The following SLC35F6 variants were observed in gnomAD, a reference collection of about 807,000 sequenced individuals.
The protein encoded by SLC35F6 is solute carrier family 35 member F6.
Under a neutral mutation model 29.4 loss-of-function variants are expected in SLC35F6, and 26 were observed. The observed-to-expected ratio is 0.89, with a 90% confidence interval of 0.65 to 1.23. SLC35F6 has a LOEUF of 1.23. Ranked by LOEUF, SLC35F6 falls within the 50% of genes most tolerant of loss-of-function variation. SLC35F6 has a pLI of 0.00. For synonymous variants in SLC35F6, 174 were observed against 206.6 expected (o/e 0.84, Z 1.35); for missense variants, 428 against 487.8 (o/e 0.88, Z 1.15).
intron 1 of SLC35F6, among the ~76,000 whole-genome samples, chr2:26,765,668 G>C (rs1038833390): frequency 6.6e-6 from 1 of 152,214 alleles, no homozygotes; most frequent in African/African-American, 2.4e-5. Flanking sequence ...TTCCCCAAAC[G>C]GTGGGCACAG....
intron 1 of SLC35F6, 27 bp from the exon 2 acceptor site, chr2:26,774,224 G>A (rs1370258284): frequency 7.4e-6 from 12 of 1,613,534 alleles, no homozygotes; most frequent in Middle Eastern, 1.6e-4. Context: ...TGCTGACAGG[G>A]TCTGACCTTC....
chr2:26,777,963 TC>T, intron 5 of SLC35F6, 78 bp from the exon 6 acceptor site: 1 of 1,372,374 alleles, frequency 7.3e-7, no homozygotes, highest in Non-Finnish European at 1.0e-6. Flanking sequence ...TGACCCGAGA[TC>T]AGAGGAGGCT....
chr2:26,774,501 A>G (rs767792109), intron 2 of SLC35F6, among the ~76,000 whole-genome samples, 178 bp downstream of exon 2: 19 of 152,212 alleles, frequency 1.2e-4, no homozygotes, highest in Non-Finnish European at 2.4e-4. Context: ...GAATAGGGCA[A>G]AGAGCACCAT....
At chr2:26,777,728 G>T (rs1664326857) in intron 5 of SLC35F6, among the ~76,000 whole-genome samples, 1 of 141,026 alleles carries the variant, frequency 7.1e-6, no homozygotes, top group Non-Finnish European at 1.5e-5. Flanking sequence ...ATACTGTAAG[G>T]GTAATGTTTT....
chr2:26,765,048 C>T, intron 1 of SLC35F6: 1 of 974,940 alleles, frequency 1.0e-6, no homozygotes, highest in African/African-American at 1.8e-5. Context: ...TGGGGAATGA[C>T]ATGTTGAAAG....
chr2:26,777,069 C>T (rs1379724743), intron 5 of SLC35F6, among the ~76,000 whole-genome samples: 1 of 152,200 alleles, frequency 6.6e-6, no homozygotes, highest in Non-Finnish European at 1.5e-5. Flanking sequence ...CGTGGTGGCG[C>T]ATGCCTGTAG....
intron 1 of SLC35F6, among the ~76,000 whole-genome samples, chr2:26,770,504 G>A (rs1429376330): frequency 6.6e-6 from 1 of 152,068 alleles, no homozygotes; most frequent in Non-Finnish European, 1.5e-5. Flanking sequence ...GATCACTTGA[G>A]GTCAGGAGTT....
chr2:26,774,281 TGGAG>T lies in SLC35F6; in HGVS notation c.113_116del (p.Gly38AlafsTer42). 1 of 1,614,160 alleles carries T rather than the reference TGGAG, an allele frequency of 6.2e-7. No homozygotes were observed. Among genetic ancestry groups the T allele is most frequent in the Non-Finnish European group, 8.5e-7 (1 of 1,180,022 alleles). On this transcript the variant is annotated frameshift_variant, in exon 2 of 6. Transcript: ENST00000344420. LOFTEE classifies it high-confidence loss of function. ...CGGACAATTTCATGGCCGAGGGCTGTGGAGGGAGCAAGGAGCACAGCTTCCAGCA... is the reference window on the plus strand; with the variant it reads ...CGGACAATTTCATGGCCGAGGGCTGTGGAGCAAGGAGCACAGCTTCCAGCA...
chr2:26,774,550 A>T (rs1296913784), intron 2 of SLC35F6, among the ~76,000 whole-genome samples: 1 of 152,208 alleles, frequency 6.6e-6, no homozygotes. Context: ...TGTCCTCACC[A>T]CATCCAAGTC....
In SLC35F6 at chr2:26,775,702, GCTGCCCTATC is replaced by G; in HGVS notation, c.535+34_535+43del. The G allele has an allele frequency of 6.5e-7, 1 of 1,537,900 alleles. No individual in the cohort carries two copies. The highest frequency in any genetic ancestry group is 8.7e-7 in the Non-Finnish European group (1 of 1,145,248). On this transcript the variant is annotated intron_variant, in intron 4 of 5. Transcript: ENST00000344420. The surrounding 1 kb of genome is among the most constrained non-coding windows in gnomAD (Gnocchi z 4.6). ...GTGCGGCCAGGGGCAGGGACACGGG[GCTGCCCTATC>G]CTGCCCTGTCCTCCTTGGGAGCCCA...
At position 26,775,458 on chromosome 2, in the gene SLC35F6, T is replaced by C. The variant is rs745409195; in HGVS notation, c.323-6T>C. 2 of 1,611,168 alleles carry C rather than the reference T, an allele frequency of 1.2e-6. No homozygotes were observed. The highest frequency in any genetic ancestry group is 1.7e-6 in the Non-Finnish European group (2 of 1,179,010). On this transcript the variant is annotated splice_region_variant and splice_polypyrimidine_tract_variant and intron_variant, in intron 3 of 5. Transcript: ENST00000344420. The surrounding 1 kb of genome is among the most constrained non-coding windows in gnomAD (Gnocchi z 4.6). ...AGCTAACTGTAATTTGTTTCTCCTTTCCTAGCTCTGAACATGACCAGTGCC... is the reference window on the plus strand; with the variant it reads ...AGCTAACTGTAATTTGTTTCTCCTTCCCTAGCTCTGAACATGACCAGTGCC...
chr2:26,765,227 G>T (rs547023893), intron 1 of SLC35F6, among the ~76,000 whole-genome samples: 2 of 152,354 alleles, frequency 1.3e-5, no homozygotes, highest in African/African-American at 4.8e-5. Context: ...ACCCACATGA[G>T]CAAGAAACAA....
intron 4 of SLC35F6, 71 bp from the exon 5 acceptor site, chr2:26,776,301 T>C (rs1664299243): frequency 7.0e-7 from 1 of 1,422,624 alleles, no homozygotes; most frequent in African/African-American, 1.4e-5. Flanking sequence ...GTTTGGTCGC[T>C]GTGGCCATGC....
At position 26,781,169 on chromosome 2, in the gene SLC35F6, T is replaced by C. The variant is rs1572637034; in HGVS notation, c.*2658T>C. 1 of 152,172 alleles carries C rather than the reference T, an allele frequency of 6.6e-6. No homozygotes were observed. The highest frequency in any genetic ancestry group is 2.4e-5 in the African/African-American group (1 of 41,438). 9.4% of individuals were successfully genotyped at this position (152,172 alleles called of 1,614,324 possible). ...GCAATTGTATTAATCCATTCTCGAA[T>C]TGCTGTAAAGAAATACCTGAGACTG... On this transcript the variant is annotated 3_prime_UTR_variant, in exon 6 of 6. Transcript: ENST00000344420.
intron 1 of SLC35F6, chr2:26,764,791 G>A (rs1181307089): frequency 2.0e-6 from 2 of 985,250 alleles, no homozygotes; most frequent in Non-Finnish European, 2.4e-6. Context: ...ATGAGCCGCA[G>A]TAGTGGCTGT....
At chr2:26,776,311 C>A (rs919225391) in intron 4 of SLC35F6, 61 bp from the exon 5 acceptor site, 1 of 1,504,732 alleles carries the variant, frequency 6.6e-7, no homozygotes, top group Non-Finnish European at 9.2e-7. Flanking sequence ...TGTGGCCATG[C>A]TCTCCTGGCC....
intron 5 of SLC35F6, among the ~76,000 whole-genome samples, chr2:26,777,533 C>A (rs1370469418): frequency 6.6e-6 from 1 of 152,192 alleles, no homozygotes; most frequent in Admixed American, 6.6e-5. Flanking sequence ...TTTCTGTTTT[C>A]TAGCAAGACC....
Position 26,775,421 on chromosome 2 carries a change from T to C in SLC35F6, c.323-43T>C, listed in dbSNP as rs1377792806. ...AAAGACCCCTTAGTGACAGATGGCC[T>C]TCGCCTTGGGAAGCTAACTGTAATT... On this transcript the variant is annotated intron_variant, in intron 3 of 5. Transcript: ENST00000344420. This position sits in a 1 kb window ranked among gnomAD's most constrained non-coding sequence, Gnocchi z 4.6. The C allele has an allele frequency of 8.1e-6, 13 of 1,598,060 alleles. No homozygotes were observed. In the East Asian group the frequency reaches 2.9e-4, roughly 36 times the overall value.
chr2:26,778,587 C>A lies in SLC35F6; in HGVS notation c.*76C>A. ...TGAGGCCACACAGGCTGGTGGGCCC[C>A]GAATGCCCTATCCCCAAGGCCTCAC... On this transcript the variant is annotated 3_prime_UTR_variant, in exon 6 of 6. Coordinates refer to ENST00000344420, the MANE Select transcript of SLC35F6 (RefSeq NM_017877.4). The A allele has an allele frequency of 1.4e-6, 2 of 1,387,758 alleles. No homozygotes were observed. Among genetic ancestry groups the A allele is most frequent in the East Asian group, 2.5e-5 (1 of 40,350 alleles). 86.0% of individuals were successfully genotyped at this position (1,387,758 alleles called of 1,614,324 possible).
Sources: gnomAD v4.1 joint callset for allele counts (sites outside exome capture counted in the v4.1 genomes callset) on GRCh38, gnomAD v4.1.1 for gene constraint, Gnocchi (gnomAD v3.1) non-coding constraint, MANE v1.5 for transcripts, NCBI Gene and HGNC (gene_info 2026-07-23, HGNC 2026-07-21) for gene names.